Variants in SH2D4A observed in about 807,000 individuals in gnomAD.
The protein encoded by SH2D4A is SH2 domain containing 4A.
SH2D4A carries 70 observed loss-of-function variants against 64.7 expected under a neutral mutation model. The ratio of observed to expected loss-of-function variants is 1.08; its 90% CI spans 0.89 to 1.32. The LOEUF (loss-of-function observed/expected upper bound fraction) is 1.32. Ranked by LOEUF, SH2D4A falls within the 40% of genes most tolerant of loss-of-function variation. The probability of loss-of-function intolerance (pLI) is 0.00; values close to 1 mark genes in which losing one functional copy is unlikely to be tolerated. For missense variants in SH2D4A, 706 were observed against 540.1 expected, an observed-to-expected ratio of 1.31 and a Z score of -3.04; for synonymous variants, 268 against 200.7, an observed-to-expected ratio of 1.34 and a Z score of -2.83.
chr8:19,362,150 G>A (rs1388463401), intron 6 of SH2D4A, among the ~76,000 whole-genome samples: 1 of 152,210 alleles, frequency 6.6e-6, no homozygotes, highest in Non-Finnish European at 1.5e-5. Context: ...ATCCTACATT[G>A]ATCTGCAGTC....
intron 8 of SH2D4A, among the ~76,000 whole-genome samples, chr8:19,387,358 CT>C (rs1217200451): frequency 5.9e-4 from 84 of 141,534 alleles, no homozygotes; most frequent in Admixed American, 1.4e-3. Flanking sequence ...GAGATGGGGT[CT>C]TGCCAAGCTG....
At position 19,352,495 on chromosome 8, in the gene SH2D4A, T is replaced by G. The variant is rs1292209406; in HGVS notation, c.514-4708T>G. Among the ~76,000 whole-genome samples, 4 of 152,200 alleles carry G rather than the reference T, an allele frequency of 2.6e-5. No homozygotes were observed. The East Asian group carries it at 7.7e-4, about 29-fold the overall frequency. ...TAAATATTCATGGCAGTTTTTATGTTTAAATAGAGCAGATATGAGGCAGAT... is the reference window on the plus strand; with the variant it reads ...TAAATATTCATGGCAGTTTTTATGTGTAAATAGAGCAGATATGAGGCAGAT... On this transcript the variant is annotated intron_variant, in intron 4 of 9. Transcript: ENST00000265807.
At chr8:19,391,210 C>A (rs775654443) in intron 8 of SH2D4A, among the ~76,000 whole-genome samples, 1 of 152,110 alleles carries the variant, frequency 6.6e-6, no homozygotes, top group Admixed American at 6.5e-5. Context: ...CTTGTTTCAA[C>A]GTATGGTTGT....
intron 8 of SH2D4A, chr8:19,375,656 G>T (rs550725238): frequency 6.6e-6 from 1 of 152,212 alleles, no homozygotes; most frequent in African/African-American, 2.4e-5. Context: ...GCAGAGAAGA[G>T]AACAGAGTGT....
rs1285693854 is a variant in SH2D4A, at chr8:19,334,835, C to A, written c.491C>A (p.Thr164Asn). The change falls in exon 4 of 10, where the codon ACC becomes AAC. Residue 164 changes from threonine (T) to asparagine (N), a missense_variant. Physicochemically the swap from Thr to Asn is moderately conservative, Grantham distance 65. Transcript: ENST00000265807. ...ELEQGSRPAPTLEEEKIRSLS... is the reference protein window; with the variant it reads ...ELEQGSRPAPNLEEEKIRSLS... ...GAGCAAGGATCGAGGCCAGCACCAA[C>A]CCTGGAAGAAGAGAAAATCCGAGTG... The A allele has an allele frequency of 1.9e-6, 3 of 1,605,276 alleles. No individual in the cohort carries two copies. In the African/African-American group the frequency reaches 4.1e-5, roughly 22 times the overall value.
chr8:19,372,102 A>G (rs779176657), intron 7 of SH2D4A, among the ~76,000 whole-genome samples: 10 of 152,166 alleles, frequency 6.6e-5, no homozygotes, highest in African/African-American at 1.4e-4. Flanking sequence ...ATGTGTGACA[A>G]TATCTGCACA....
intron 8 of SH2D4A, among the ~76,000 whole-genome samples, chr8:19,381,184 G>C (rs1289180404): frequency 6.6e-6 from 1 of 151,902 alleles, no homozygotes; most frequent in Admixed American, 6.6e-5. Flanking sequence ...TGAGTAGCTG[G>C]AATTAAAGGC....
chr8:19,391,071 C>T (rs1010658091), intron 8 of SH2D4A, among the ~76,000 whole-genome samples: 7 of 152,138 alleles, frequency 4.6e-5, no homozygotes, highest in African/African-American at 4.8e-5. Context: ...CTCCTCCGGT[C>T]GTGGCTCCTT....
At chr8:19,325,629 GTTC>G (rs1333994764) in intron 2 of SH2D4A, among the ~76,000 whole-genome samples, 3 of 152,002 alleles carry the variant, frequency 2.0e-5, no homozygotes, top group African/African-American at 7.3e-5. Context: ...CTATTTTCTA[GTTC>G]TTCCATCTGC....
At chr8:19,376,566 G>A (rs779453480) in intron 8 of SH2D4A, among the ~76,000 whole-genome samples, 7 of 152,190 alleles carry the variant, frequency 4.6e-5, no homozygotes, top group African/African-American at 9.6e-5. Context: ...AGGTTATAGC[G>A]AGCTGAGATT....
intron 1 of SH2D4A, among the ~76,000 whole-genome samples, chr8:19,317,465 G>A (rs556029324): frequency 6.6e-6 from 1 of 150,564 alleles, no homozygotes; most frequent in East Asian, 2.0e-4. Context: ...GTAGTTGAAT[G>A]CTGCCGAGAT....
At position 19,361,265 on chromosome 8, in the gene SH2D4A, G is replaced by A. The variant is rs747333013; in HGVS notation, c.657G>A (p.Thr219=). ...TAAATCAAATAGAAGAAGAGAGAAC[G>A]AAGCAGATTTGTAAGAGCTGGAAAG... is the stretch of plus-strand genomic sequence containing the variant. ...EEINQIEEER[T]KQICKSWKED... is the part of the protein sequence containing the mutation. The change falls in exon 6 of 10, where the codon ACG becomes ACA. Residue 219 remains threonine (T), a synonymous_variant. Coordinates refer to ENST00000265807, the MANE Select transcript of SH2D4A (RefSeq NM_022071.4). 21 of 1,612,192 alleles carry A rather than the reference G, an allele frequency of 1.3e-5. No homozygotes were observed. Among genetic ancestry groups the A allele is most frequent in the Admixed American group, 1.7e-5 (1 of 59,822 alleles).
At chr8:19,383,708 A>G (rs540978043) in intron 8 of SH2D4A, among the ~76,000 whole-genome samples, 1 of 152,128 alleles carries the variant, frequency 6.6e-6, no homozygotes, top group East Asian at 1.9e-4. Context: ...TACAGTCTTC[A>G]CAGCTTCTTT....
chr8:19,326,422 G>T (rs1378579906), intron 2 of SH2D4A, among the ~76,000 whole-genome samples: 4 of 152,186 alleles, frequency 2.6e-5, no homozygotes, highest in Non-Finnish European at 5.9e-5. Context: ...GAGTCTGCCA[G>T]CATGGTAACA....
At chr8:19,324,908 C>T (rs141603694) in intron 2 of SH2D4A, among the ~76,000 whole-genome samples, 216 of 152,206 alleles carry the variant, frequency 1.4e-3, no homozygotes, top group African/African-American at 4.7e-3. Flanking sequence ...CCTAGGGCAA[C>T]TCTTATAACC....
intron 4 of SH2D4A, among the ~76,000 whole-genome samples, chr8:19,336,857 A>G (rs1018700324): frequency 1.3e-5 from 2 of 152,030 alleles, no homozygotes; most frequent in Non-Finnish European, 2.9e-5. Context: ...ACCAAGTGAG[A>G]CCCTAAGTCT....
chr8:19,332,912 T>C, intron 2 of SH2D4A, 43 bp from the exon 3 acceptor site: 2 of 1,594,230 alleles, frequency 1.3e-6, no homozygotes, highest in Non-Finnish European at 1.7e-6. Flanking sequence ...TGACTAAAGA[T>C]ATTTGTTCAA....
At chr8:19,392,994 G>T (rs1002751303) in intron 8 of SH2D4A, among the ~76,000 whole-genome samples, 1 of 152,142 alleles carries the variant, frequency 6.6e-6, no homozygotes, top group Admixed American at 6.5e-5. Flanking sequence ...ACCCACCTCG[G>T]CCTCTCAAAG....
intron 2 of SH2D4A, among the ~76,000 whole-genome samples, chr8:19,325,682 G>A (rs1042922547): frequency 6.6e-6 from 1 of 152,156 alleles, no homozygotes; most frequent in African/African-American, 2.4e-5. Flanking sequence ...ACTGCCCTCT[G>A]CTTCCCTAGG....
Sources: gnomAD v4.1 joint callset for allele counts (sites outside exome capture counted in the v4.1 genomes callset) on GRCh38, gnomAD v4.1.1 for gene constraint, MANE v1.5 for transcripts, NCBI Gene and HGNC (gene_info 2026-07-23, HGNC 2026-07-21) for gene names.